ROBO2: variants seen among roughly 807,000 people sequenced by gnomAD.
The protein encoded by ROBO2 is roundabout guidance receptor 2.
In ROBO2, 53 loss-of-function variants were observed where a neutral mutation model predicts 160.8. The observed-to-expected ratio is 0.33, with a 90% CI of 0.26 to 0.41. The LOEUF is 0.41. Among genes scored for constraint, ROBO2 ranks in the 10% least tolerant of loss-of-function variants. The probability of loss-of-function intolerance (pLI) is 1.00; values close to 1 mark genes in which losing one functional copy is unlikely to be tolerated. For synonymous variants in ROBO2, 664 were observed against 611.7 expected (o/e 1.09, Z -1.26); for missense variants, 1,577 against 1,722.4 (o/e 0.92, Z 1.49).
chr3:76,802,570 T>C (rs1456812432), intron 2 of ROBO2, among the ~76,000 whole-genome samples: 1 of 151,624 alleles, frequency 6.6e-6, no homozygotes, highest in Admixed American at 6.6e-5. Context: ...CTACTAAAAA[T>C]ACAGAAAAAT....
chr3:77,191,849 T>C (rs918971774), intron 2 of ROBO2, among the ~76,000 whole-genome samples: 1 of 152,150 alleles, frequency 6.6e-6, no homozygotes, highest in Admixed American at 6.6e-5. Flanking sequence ...CTTTATTGCA[T>C]ATCTATAAAT....
chr3:76,031,243 T>C (rs1189574391), intron 2 of ROBO2, among the ~76,000 whole-genome samples: 1 of 152,212 alleles, frequency 6.6e-6, no homozygotes, highest in Non-Finnish European at 1.5e-5. Flanking sequence ...AAGTTACTTA[T>C]CAGCTTAAGG....
At chr3:76,129,059 C>CAA (rs572494628) in intron 2 of ROBO2, among the ~76,000 whole-genome samples, 11 of 126,720 alleles carry the variant, frequency 8.7e-5, no homozygotes, top group African/African-American at 2.9e-4. Context: ...TTTGTCATTT[C>CAA]AAAAAAAAAA....
At chr3:76,037,246 A>C (rs1464901354) in intron 2 of ROBO2, among the ~76,000 whole-genome samples, 1 of 150,494 alleles carries the variant, frequency 6.6e-6, no homozygotes, top group Non-Finnish European at 1.5e-5. Context: ...AAATGCATGT[A>C]CATTTTCTTT....
intron 2 of ROBO2, among the ~76,000 whole-genome samples, chr3:76,225,912 AT>A (rs1482391837): frequency 5.3e-5 from 8 of 152,154 alleles, no homozygotes; most frequent in Admixed American, 2.0e-4. Flanking sequence ...CAAGTTCCAA[AT>A]TCTATGATTA....
chr3:77,276,509 T>C (rs2059838046), intron 2 of ROBO2, among the ~76,000 whole-genome samples: 1 of 152,216 alleles, frequency 6.6e-6, no homozygotes, highest in East Asian at 1.9e-4. Context: ...TTGTCCACTC[T>C]AGTCAGGTAG....
chr3:77,008,241 T>C (rs1280139451), intron 2 of ROBO2, among the ~76,000 whole-genome samples: 1 of 152,108 alleles, frequency 6.6e-6, no homozygotes, highest in Non-Finnish European at 1.5e-5. Flanking sequence ...AAATTAAATG[T>C]GGTCTGTGTA....
intron 2 of ROBO2, among the ~76,000 whole-genome samples, chr3:77,028,532 A>G (rs1180031763): frequency 6.6e-6 from 1 of 152,070 alleles, no homozygotes; most frequent in Admixed American, 6.5e-5. Context: ...CCTGACCAAC[A>G]TGGTGAAACC....
At chr3:76,560,947 T>G (rs985135340) in intron 2 of ROBO2, among the ~76,000 whole-genome samples, 16 of 110,452 alleles carry the variant, frequency 1.4e-4, no homozygotes, top group Admixed American at 3.8e-4. Flanking sequence ...TATATATATA[T>G]ATATATATAT....
At chr3:75,938,410 C>T (rs374128687) in intron 2 of ROBO2, among the ~76,000 whole-genome samples, 4 of 151,844 alleles carry the variant, frequency 2.6e-5, no homozygotes, top group Admixed American at 6.6e-5. Context: ...ATTGCATTTC[C>T]GTATTTTATG....
intron 2 of ROBO2, among the ~76,000 whole-genome samples, chr3:76,752,505 C>T (rs965497827): frequency 6.0e-5 from 9 of 151,008 alleles, no homozygotes; most frequent in Non-Finnish European, 1.0e-4. Flanking sequence ...CTTTGTGATA[C>T]ATTTTTTCTC....
At chr3:76,727,305 AC>A (rs2093567361) in intron 2 of ROBO2, among the ~76,000 whole-genome samples, 1 of 152,206 alleles carries the variant, frequency 6.6e-6, no homozygotes, top group African/African-American at 2.4e-5. Context: ...TATAACAAAC[AC>A]AAAATGAAGA....
chr3:77,625,951 A>G (rs2095014335), intron 23 of ROBO2, among the ~76,000 whole-genome samples: 1 of 152,164 alleles, frequency 6.6e-6, no homozygotes, highest in South Asian at 2.1e-4. Flanking sequence ...CATTTAATAG[A>G]TTAAAAACAG....
chr3:76,840,337 C>T (rs4855990), intron 2 of ROBO2, among the ~76,000 whole-genome samples: 68,446 of 151,404 alleles, frequency 0.45, 16,684 homozygotes, highest in Middle Eastern at 0.56. Flanking sequence ...TGGCTGGGCG[C>T]GGTAGCTCAT....
intron 2 of ROBO2, among the ~76,000 whole-genome samples, chr3:76,423,177 T>C (rs1252241780): frequency 6.6e-6 from 1 of 152,006 alleles, no homozygotes; most frequent in Non-Finnish European, 1.5e-5. Context: ...GTCAGGCAAG[T>C]TAAGATGAAC....
chr3:76,351,517 T>C (rs1157565443), intron 2 of ROBO2, among the ~76,000 whole-genome samples: 1 of 151,902 alleles, frequency 6.6e-6, no homozygotes, highest in Non-Finnish European at 1.5e-5. Flanking sequence ...TGAATCCTAA[T>C]CTGAATATAT....
chr3:76,951,913 T>C (rs902685631), intron 2 of ROBO2, among the ~76,000 whole-genome samples: 1 of 152,200 alleles, frequency 6.6e-6, no homozygotes, highest in Non-Finnish European at 1.5e-5. Flanking sequence ...ACTCCTGAGG[T>C]CTCCAATTAT....
chr3:76,106,573 A>G (rs551207716), intron 2 of ROBO2, among the ~76,000 whole-genome samples: 227 of 152,186 alleles, frequency 1.5e-3, no homozygotes, highest in African/African-American at 5.3e-3. Flanking sequence ...ATGTACCTTC[A>G]GAGACCAGAT....
chr3:77,126,369 A>C (rs1303722680), intron 2 of ROBO2, among the ~76,000 whole-genome samples: 1 of 152,204 alleles, frequency 6.6e-6, no homozygotes, highest in African/African-American at 2.4e-5. Flanking sequence ...TTGATCCACA[A>C]TTGGCCTACT....
Sources: gnomAD v4.1 joint callset for allele counts (sites outside exome capture counted in the v4.1 genomes callset) on GRCh38, gnomAD v4.1.1 for gene constraint, MANE v1.5 for transcripts, NCBI Gene and HGNC (gene_info 2026-07-23, HGNC 2026-07-21) for gene names.